ACSL6: variants seen among roughly 807,000 people sequenced by gnomAD.
ACSL6 encodes long-chain-fatty-acid--CoA ligase 6.
In ACSL6, 47 loss-of-function variants were observed where a neutral mutation model predicts 98.2. The ratio of observed to expected loss-of-function variants is 0.48; its 90% CI spans 0.38 to 0.61. ACSL6 has a LOEUF of 0.61. Ranked by LOEUF, ACSL6 falls within the 20% of genes least tolerant of loss-of-function variation. The pLI, the probability that ACSL6 is intolerant of heterozygous loss-of-function variation, is 0.00. For missense variants in ACSL6, 761 were observed against 913.4 expected (o/e 0.83, Z 2.15); for synonymous variants, 362 against 336.9 (o/e 1.07, Z -0.82).
intron 9 of ACSL6, among the ~76,000 whole-genome samples, chr5:131,980,514 A>C (rs1037317382): frequency 1.1e-4 from 16 of 152,170 alleles, no homozygotes; most frequent in Non-Finnish European, 1.5e-4. Flanking sequence ...CCCACCTCTG[A>C]GTAGCCACAG....
intron 1 of ACSL6, chr5:132,006,235 G>A (rs1755401254): frequency 6.6e-6 from 1 of 152,174 alleles, no homozygotes; most frequent in Non-Finnish European, 1.5e-5. Context: ...GAGAGTATTG[G>A]TTGGGTCTCA....
rs138143209 is a variant in ACSL6 at position 131,960,072 on chromosome 5, A to G, written c.1959+448T>C. On this transcript the variant is annotated intron_variant, in intron 19 of 20. Transcript: ENST00000651883. ...TGTGAGTAGCTAATGCTCTAAGCAG[A>G]AAGAATTGTGCTACTTTTTCTATTC... Among the ~76,000 whole-genome samples the G allele has an allele frequency of 3.8e-3, 576 of 152,360 alleles. 4 individuals carry two copies. Among genetic ancestry groups the G allele is most frequent in the African/African-American group, 0.013 (540 of 41,582 alleles).
rs1014716686 is a variant in ACSL6, at chr5:131,953,742, A to T, written c.*492T>A. 5.1e-6 allele frequency: 1 copy of T among 194,620 alleles called. No individual in the cohort carries two copies. Among genetic ancestry groups the T allele is most frequent in the East Asian group, 8.1e-5 (1 of 12,330 alleles). 12.1% of individuals were successfully genotyped at this position (194,620 alleles called of 1,614,324 possible). A position where few individuals can be genotyped will look rare whatever the true frequency, so the allele number is the denominator to read the frequency against. ...GAAGTTACGTAGACTATGAGTTATC[A>T]TGTTTTCTTTTAGCATGATTCTATA... On this transcript the variant is annotated 3_prime_UTR_variant, in exon 21 of 21. Transcript: ENST00000651883.
At chr5:131,985,611 G>C (rs574569262) in intron 8 of ACSL6, among the ~76,000 whole-genome samples, 153 bp from the exon 9 acceptor site, 2 of 152,180 alleles carry the variant, frequency 1.3e-5, no homozygotes, top group African/African-American at 4.8e-5. Context: ...TGTGTGCTGC[G>C]CTCAGAAAGG....
chr5:132,011,709 G>A (rs1035982208), upstream of ACSL6: 3 of 1,269,968 alleles, frequency 2.4e-6, no homozygotes, highest in Admixed American at 8.4e-5. The surrounding 1 kb of genome is among the most constrained non-coding windows in gnomAD (Gnocchi z 5.4). Flanking sequence ...CCGCCTCCCC[G>A]CGCCGCTGCG....
At position 131,985,456 on chromosome 5, in the gene ACSL6, G is replaced by A. The variant is rs754666295; in HGVS notation, c.867C>T (p.Pro289=). 1.9e-6 allele frequency: 3 copies of A among 1,613,866 alleles called. No homozygotes were observed. The South Asian group carries it at 3.3e-5, about 18-fold the overall frequency. The change falls in exon 9 of 21, where the codon CCC becomes CCT. Residue 289 remains proline (P), a splice_region_variant and synonymous_variant. Coordinates refer to ENST00000651883, the MANE Select transcript of ACSL6 (RefSeq NM_001009185.3). ...CAATGGAGAGGTCATCAGGCTGCGG[G>A]GGCTGCAGGGGTGAGAAGAGGAGTG... ...CGQENHQAPV[P]PQPDDLSIVC...
intron 9 of ACSL6, 50 bp from the exon 10 acceptor site, chr5:131,976,771 T>G: frequency 6.6e-7 from 1 of 1,524,486 alleles, no homozygotes; most frequent in Non-Finnish European, 9.1e-7. Flanking sequence ...CAAGGGCCAC[T>G]TCTTGAGAGC....
At chr5:131,989,008 G>A (rs1754357492) in intron 5 of ACSL6, 104 bp from the exon 6 acceptor site, 1 of 994,678 alleles carries the variant, frequency 1.0e-6, no homozygotes, top group Non-Finnish European at 1.5e-6. Context: ...CCCTATGCCT[G>A]TGGCAAGGAA....
chr5:131,989,050 C>T, intron 5 of ACSL6, 146 bp from the exon 6 acceptor site: 1 of 700,948 alleles, frequency 1.4e-6, no homozygotes, highest in Non-Finnish European at 2.4e-6. Context: ...GTCTGCTCAC[C>T]CACAGCCTTC....
rs770236928 is a variant in ACSL6 at position 131,985,470 on chromosome 5, A to G, written c.865-12T>C. ...TCAGGCTGCGGGGGCTGCAGGGGTG[A>G]GAAGAGGAGTGTGTTAGGGAGACCC... On this transcript the variant is annotated splice_polypyrimidine_tract_variant and intron_variant, in intron 8 of 20. Coordinates refer to ENST00000651883, the MANE Select transcript of ACSL6 (RefSeq NM_001009185.3). The G allele has an allele frequency of 2.4e-5, 39 of 1,613,472 alleles. No homozygotes were observed. Among genetic ancestry groups the G allele is most frequent in the Non-Finnish European group, 3.1e-5 (36 of 1,179,948 alleles).
chr5:131,962,783 A>G, intron 17 of ACSL6, 105 bp from the exon 18 acceptor site: 10 of 1,298,002 alleles, frequency 7.7e-6, no homozygotes, highest in Non-Finnish European at 1.1e-5. Context: ...TGCAGACCCC[A>G]CCCCGATTTC....
At chr5:132,011,908 C>T, upstream of ACSL6, 1 of 1,556,402 alleles carries the variant, frequency 6.4e-7, no homozygotes. This position sits in a 1 kb window ranked among gnomAD's most constrained non-coding sequence, Gnocchi z 5.4. Context: ...TCTCCAACGT[C>T]AGTACCTGGC....
rs557368118 is a variant in ACSL6 at position 131,973,199 on chromosome 5, C to T, written c.1203+67G>A. 64 of 1,575,092 alleles carry T rather than the reference C, an allele frequency of 4.1e-5. 1 individual carries two copies. In the South Asian group the frequency reaches 7.4e-4, roughly 18 times the overall value. ...GGCACTGAAAGCCTGCCTGGGGCTC[C>T]AGACCCTGTCCAAACAAGCAAATAT... On this transcript the variant is annotated intron_variant, in intron 12 of 20. Transcript: ENST00000651883.
In ACSL6 at chr5:131,973,311, G is replaced by C. The variant is rs756922012; in HGVS notation, c.1158C>G (p.Thr386=). 4.3e-6 allele frequency: 7 copies of C among 1,614,058 alleles called. No individual in the cohort carries two copies. Among genetic ancestry groups the C allele is most frequent in the Non-Finnish European group, 5.9e-6 (7 of 1,180,040 alleles). The part of the protein sequence containing the change: ...LSDDMKALCP[T]IFPVVPRLLN... ...GCAGTCGTGGGACCACAGGGAAGAT[G>C]GTGGGGCATAGAGCCTTCATGTCAT... The change falls in exon 12 of 21, where the codon ACC becomes ACG. Residue 386 remains threonine (T), a synonymous_variant. Transcript: ENST00000651883.
rs148747402 is a variant in ACSL6, at chr5:131,996,495, G to T, written c.50-2244C>A. The stretch of plus-strand genomic sequence containing the variant: ...TGAGCTGATGGACATTTTTCTTGAA[G>T]GAGCTGAACTGACTTAATGATATGA... On this transcript the variant is annotated intron_variant, in intron 1 of 20. Transcript: ENST00000651883. Among the ~76,000 whole-genome samples the T allele has an allele frequency of 3.3e-5, 5 of 152,292 alleles. No homozygotes were observed. The East Asian group carries it at 9.6e-4, about 29-fold the overall frequency.
upstream of ACSL6, chr5:132,012,146 A>T: frequency 3.9e-6 from 2 of 506,902 alleles, no homozygotes; most frequent in Non-Finnish European, 6.5e-6. Flanking sequence ...AACGCCCCCT[A>T]GGACCCGAGT....
At position 131,970,213 on chromosome 5, in the gene ACSL6, C is replaced by A. The variant is rs746784691; in HGVS notation, c.1435-13G>T. ...AACCTTCATAAACCTTCAAACAAAA[C>A]ACAGAAGCCACACTATGGGCACACA... On this transcript the variant is annotated splice_polypyrimidine_tract_variant and intron_variant, in intron 14 of 20. Coordinates refer to ENST00000651883, the MANE Select transcript of ACSL6 (RefSeq NM_001009185.3). 1 of 1,613,704 alleles carries A rather than the reference C, an allele frequency of 6.2e-7. No homozygotes were observed. The highest frequency in any genetic ancestry group is 1.1e-5 in the South Asian group (1 of 91,054).
upstream of ACSL6, chr5:132,011,678 C>G (rs1274270055): frequency 2.1e-5 from 26 of 1,267,928 alleles, no homozygotes; most frequent in East Asian, 8.2e-4. The surrounding 1 kb of genome is among the most constrained non-coding windows in gnomAD (Gnocchi z 5.4). Context: ...TTTTAGCCCC[C>G]GCCCTCCGGC....
intron 1 of ACSL6, among the ~76,000 whole-genome samples, chr5:131,997,888 T>G (rs1754874663): frequency 6.6e-6 from 1 of 152,232 alleles, no homozygotes; most frequent in Non-Finnish European, 1.5e-5. Context: ...GCGTTTACAC[T>G]GAGGTTCCCT....
Sources: allele counts gnomAD v4.1 joint callset (sites outside exome capture counted in the v4.1 genomes callset), GRCh38; gene constraint gnomAD v4.1.1; non-coding constraint Gnocchi (gnomAD v3.1); transcripts MANE v1.5; gene names NCBI Gene and HGNC (gene_info 2026-07-23, HGNC 2026-07-21).